Variants in SPATA22 observed in about 807,000 individuals in gnomAD.
The protein encoded by SPATA22 is spermatogenesis associated 22.
Under a neutral mutation model 47.8 loss-of-function variants are expected in SPATA22, and 29 were observed. The observed-to-expected ratio is 0.61, with a 90% confidence interval of 0.45 to 0.83. The LOEUF (loss-of-function observed/expected upper bound fraction) is 0.83. Among genes scored for constraint, SPATA22 ranks in the 40% least tolerant of loss-of-function variants. The pLI is 0.00. For missense variants in SPATA22, 410 were observed against 421.7 expected (o/e 0.97, Z 0.24); for synonymous variants, 133 against 140.9 (o/e 0.94, Z 0.40).
chr17:3,444,936 T>C (rs556014665), intron 7 of SPATA22, among the ~76,000 whole-genome samples: 67 of 152,170 alleles, frequency 4.4e-4, no homozygotes, highest in Non-Finnish European at 7.9e-4. Context: ...ATGGACCCCC[T>C]TCATTTCTTG....
chr17:3,507,715 C>G (rs760696056), intron 1 of SPATA22, among the ~76,000 whole-genome samples: 19 of 152,184 alleles, frequency 1.2e-4, no homozygotes, highest in Non-Finnish European at 1.6e-4. Context: ...ACTCACCAAA[C>G]CTACAAAACA....
At chr17:3,467,685 T>C (rs2073347182) in intron 2 of SPATA22, 131 bp from the exon 3 acceptor site, 2 of 666,048 alleles carry the variant, frequency 3.0e-6, no homozygotes, top group African/African-American at 3.8e-5. Context: ...TAGATTTCTA[T>C]AACCTTAGAA....
chr17:3,451,488 C>T (rs2072858597), intron 5 of SPATA22, among the ~76,000 whole-genome samples: 1 of 152,094 alleles, frequency 6.6e-6, no homozygotes, highest in African/African-American at 2.4e-5. Context: ...ATTTGCCAAC[C>T]AACAGCAGAA....
At chr17:3,455,212 C>T (rs1163045797) in intron 5 of SPATA22, among the ~76,000 whole-genome samples, 106 of 151,422 alleles carry the variant, frequency 7.0e-4, no homozygotes, top group South Asian at 1.9e-3. Flanking sequence ...GTCAGATGAG[C>T]AGGTTGCGAA....
chr17:3,471,516 A>ACG, intron 1 of SPATA22, 166 bp downstream of exon 1: 1 of 977,662 alleles, frequency 1.0e-6, no homozygotes, highest in Non-Finnish European at 1.2e-6. Context: ...CTCAATCTGC[A>ACG]CGCACACACA....
upstream of SPATA22, chr17:3,476,390 T>C (rs759496696): frequency 1.9e-6 from 3 of 1,613,848 alleles, no homozygotes; most frequent in South Asian, 3.3e-5. Flanking sequence ...ACCTTGAAAA[T>C]CTTGGGTAAG....
At chr17:3,456,250 A>T (rs1310454255) in intron 5 of SPATA22, among the ~76,000 whole-genome samples, 2 of 151,724 alleles carry the variant, frequency 1.3e-5, no homozygotes, top group Non-Finnish European at 2.9e-5. Flanking sequence ...AAAATTAATG[A>T]ATCCAGGAGC....
Position 3,461,313 on chromosome 17 carries a change from C to T in SPATA22, c.329+1170G>A, listed in dbSNP as rs537314149. Among the ~76,000 whole-genome samples the T allele has an allele frequency of 1.2e-4, 19 of 152,332 alleles. 1 individual carries two copies. In the South Asian group the frequency reaches 3.7e-3, roughly 30 times the overall value. On this transcript the variant is annotated intron_variant, in intron 5 of 8. Transcript: ENST00000572969. The stretch of plus-strand genomic sequence containing the variant: ...TAGTCCTTTAACTGGTTCAAAAGAT[C>T]TTCAGCAGATTACCAACTGCCTGCA...
chr17:3,476,506 C>T, upstream of SPATA22: 2 of 1,001,462 alleles, frequency 2.0e-6, no homozygotes, highest in East Asian at 2.5e-5. Context: ...TCCGTACATG[C>T]AGTCGTATGT....
intron 1 of SPATA22, among the ~76,000 whole-genome samples, chr17:3,506,765 C>A (rs1454397995): frequency 6.6e-6 from 1 of 152,088 alleles, no homozygotes; most frequent in Non-Finnish European, 1.5e-5. Context: ...CATGGTGAAA[C>A]CCCGTCTCTA....
chr17:3,462,456 G>A, intron 5 of SPATA22, 27 bp downstream of exon 5: 1 of 1,486,522 alleles, frequency 6.7e-7, no homozygotes. Flanking sequence ...AGGAATAGAA[G>A]AAGAAAGAAA....
At chr17:3,467,956 T>C (rs752922802) in intron 2 of SPATA22, among the ~76,000 whole-genome samples, 1 of 152,124 alleles carries the variant, frequency 6.6e-6, no homozygotes, top group Non-Finnish European at 1.5e-5. Context: ...CTTTGGACAA[T>C]AGTGGCACAC....
intron 5 of SPATA22, among the ~76,000 whole-genome samples, chr17:3,460,242 T>G (rs1464106832): frequency 6.6e-6 from 1 of 152,174 alleles, no homozygotes; most frequent in Non-Finnish European, 1.5e-5. Context: ...TTCAATTTTT[T>G]TCCCATGGAT....
chr17:3,509,405 A>G (rs535108387), intron 1 of SPATA22, among the ~76,000 whole-genome samples: 34 of 152,148 alleles, frequency 2.2e-4, no homozygotes, highest in Non-Finnish European at 3.5e-4. Context: ...TATGAGTGAG[A>G]ACATGTGGTG....
chr17:3,489,233 A>G lies in SPATA22; in HGVS notation c.-73-19835T>C. On this transcript the variant is annotated intron_variant, in intron 1 of 8. Coordinates refer to the SPATA22 transcript ENST00000541913. ...TGTGACTATCTCTCCTTCTGTACCTAGGTATAGAAGTTGGTCCTCAGCCTC... is the reference window on the plus strand; with the variant it reads ...TGTGACTATCTCTCCTTCTGTACCTGGGTATAGAAGTTGGTCCTCAGCCTC... The G allele has an allele frequency of 6.3e-7, 1 of 1,579,268 alleles. No homozygotes were observed. Among genetic ancestry groups the G allele is most frequent in the East Asian group, 2.2e-5 (1 of 44,610 alleles).
At chr17:3,504,611 G>A (rs1471909588) in intron 1 of SPATA22, among the ~76,000 whole-genome samples, 1 of 149,550 alleles carries the variant, frequency 6.7e-6, no homozygotes, top group Admixed American at 6.7e-5. Context: ...AAGCTGGAGA[G>A]CAATGGCATG....
intron 5 of SPATA22, among the ~76,000 whole-genome samples, chr17:3,457,896 C>T (rs1279592727): frequency 6.6e-6 from 1 of 152,134 alleles, no homozygotes; most frequent in Non-Finnish European, 1.5e-5. Flanking sequence ...GAACAAGCTC[C>T]TTGACACTGG....
intron 1 of SPATA22, among the ~76,000 whole-genome samples, chr17:3,491,624 T>C (rs8066886): frequency 0.9 from 136,206 of 151,928 alleles, 62,189 homozygotes; most frequent in Non-Finnish European, 0.98. Flanking sequence ...GGCATGCGCC[T>C]ATAATTCCAG....
At chr17:3,459,295 T>G (rs377267453) in intron 5 of SPATA22, among the ~76,000 whole-genome samples, 2 of 152,182 alleles carry the variant, frequency 1.3e-5, no homozygotes, top group African/African-American at 2.4e-5. Context: ...AAGAAAAAAA[T>G]GGTAATTATG....
Sources: gnomAD v4.1 joint callset for allele counts (sites outside exome capture counted in the v4.1 genomes callset) on GRCh38, gnomAD v4.1.1 for gene constraint, MANE v1.5 for transcripts, NCBI Gene and HGNC (gene_info 2026-07-23, HGNC 2026-07-21) for gene names.